The following CLCN5 variants were observed in gnomAD, a reference collection of about 807,000 sequenced individuals.
CLCN5 encodes the protein Cl-/H+ antiporter 5.
A neutral mutation model predicts 54.0 loss-of-function variants in CLCN5; 17 were observed. That is an observed-to-expected ratio of 0.31 (90% confidence interval 0.22 to 0.47). The LOEUF (loss-of-function observed/expected upper bound fraction) is 0.47, where lower values mean the gene tolerates loss of function less well. Among genes scored for constraint, CLCN5 ranks in the 20% least tolerant of loss-of-function variants. The pLI is 1.00. For missense variants in CLCN5, 448 were observed against 646.7 expected (o/e 0.69, Z 3.33); for synonymous variants, 222 against 233.0 (o/e 0.95, Z 0.43).
chrX:50,069,868 G>A lies in CLCN5; in HGVS notation c.164-11G>A, dbSNP rs782343738. On this transcript the variant is annotated splice_polypyrimidine_tract_variant and intron_variant, in intron 4 of 14. Transcript: ENST00000376091. ...TCTGAAGTACTAATGTCTATTTCTTGTTCAATACAGAGGACAAGTCGTACA... is the reference window on the plus strand; with the variant it reads ...TCTGAAGTACTAATGTCTATTTCTTATTCAATACAGAGGACAAGTCGTACA... 8.4e-7 allele frequency: 1 copy of A among 1,196,700 alleles called. No individual in the cohort carries two copies. Among genetic ancestry groups the A allele is most frequent in the South Asian group, 1.8e-5 (1 of 54,395 alleles).
chrX:49,966,705 C>T (rs1281113535), intron 3 of CLCN5, among the ~76,000 whole-genome samples: 1 of 28,089 alleles, frequency 3.6e-5, no homozygotes, highest in Non-Finnish European at 4.9e-5. Flanking sequence ...CATGCTGGTG[C>T]GCTGCACCCA....
intron 3 of CLCN5, among the ~76,000 whole-genome samples, chrX:50,012,297 A>T (rs1416598764): frequency 9.0e-6 from 1 of 111,431 alleles, no homozygotes; most frequent in African/African-American, 3.3e-5. Flanking sequence ...GCATCTTCTC[A>T]CTCATGTCTG....
At chrX:49,943,967 G>A (rs1926540035) in intron 3 of CLCN5, among the ~76,000 whole-genome samples, 1 of 111,637 alleles carries the variant, frequency 9.0e-6, no homozygotes, top group Non-Finnish European at 1.9e-5. Context: ...GATGGGGATG[G>A]CATTGAATCT....
chrX:50,017,534 G>A (rs955086667), intron 3 of CLCN5, among the ~76,000 whole-genome samples: 5 of 111,353 alleles, frequency 4.5e-5, no homozygotes, highest in Non-Finnish European at 5.7e-5. Flanking sequence ...TTTTGGTGTT[G>A]TATCTAAAAG....
intron 3 of CLCN5, among the ~76,000 whole-genome samples, chrX:49,981,997 A>G (rs1392353532): frequency 1.8e-5 from 2 of 110,227 alleles, no homozygotes; most frequent in Non-Finnish European, 3.8e-5. Flanking sequence ...TTTCCCTTTT[A>G]CTGCCATTAT....
At chrX:49,944,538 G>A (rs1345546523) in intron 3 of CLCN5, among the ~76,000 whole-genome samples, 6 of 111,377 alleles carry the variant, frequency 5.4e-5, no homozygotes, top group Admixed American at 3.8e-4. Flanking sequence ...ATTGGCTGTG[G>A]GTTTCTCATA....
rs202189090 is a variant in CLCN5 at position 50,077,580 on chromosome X, TAGGG to T, written c.603+1599_603+1602del. Among the ~76,000 whole-genome samples the T allele has an allele frequency of 3.0e-3, 290 of 95,574 alleles. 10 individuals carry two copies. The East Asian group carries it at 0.083, about 27-fold the overall frequency. The allele number at this position is 95,574 out of a possible 115,157, so 83.0% of individuals were successfully genotyped here. A position where few individuals can be genotyped will look rare whatever the true frequency, so the allele number is the denominator to read the frequency against. On this transcript the variant is annotated intron_variant, in intron 7 of 14. Coordinates refer to ENST00000376091, the MANE Select transcript of CLCN5 (RefSeq NM_001127898.4). ...GAAAAGTTTGAGAAGTCCTACAACTTAGGGTGGGTGTGAAAGAGAGAGAGAGAGA... is the reference window on the plus strand; with the variant it reads ...GAAAAGTTTGAGAAGTCCTACAACTTTGGGTGTGAAAGAGAGAGAGAGAGA...
Position 50,098,252 on chromosome X carries a change from T to G in CLCN5, c.*6033T>G, listed in dbSNP as rs1020124391. On this transcript the variant is annotated 3_prime_UTR_variant, in exon 15 of 15. Coordinates refer to ENST00000376091, the MANE Select transcript of CLCN5 (RefSeq NM_001127898.4). ...CTCTTAAACTCTTTTGAAGCTATGC[T>G]GCTAACCAGGTATAGGCCAGAAAGG... 1 of 113,008 alleles carries G rather than the reference T, an allele frequency of 8.8e-6. No individual in the cohort carries two copies. Among genetic ancestry groups the G allele is most frequent in the African/African-American group, 3.2e-5 (1 of 30,992 alleles). The allele number at this position is 113,008 out of a possible 1,213,427, so 9.3% of individuals were successfully genotyped here.
chrX:50,051,556 T>C (rs1932587741), intron 4 of CLCN5, among the ~76,000 whole-genome samples: 1 of 112,192 alleles, frequency 8.9e-6, no homozygotes, highest in Non-Finnish European at 1.9e-5. Context: ...GCAAAATGAC[T>C]TGCTTGGGTT....
chrX:49,986,257 A>G (rs782707939), intron 3 of CLCN5, among the ~76,000 whole-genome samples: 2 of 111,485 alleles, frequency 1.8e-5, no homozygotes, highest in African/African-American at 6.5e-5. Flanking sequence ...AGCTTTTAAA[A>G]TTGGACCTGG....
At chrX:49,941,599 G>A (rs1371171236) in intron 3 of CLCN5, among the ~76,000 whole-genome samples, 1 of 110,557 alleles carries the variant, frequency 9.0e-6, no homozygotes, top group East Asian at 2.8e-4. Context: ...AACAGCTTCT[G>A]TGATCACCAG....
chrX:50,019,005 G>A (rs1302298209), intron 3 of CLCN5, among the ~76,000 whole-genome samples: 1 of 111,926 alleles, frequency 8.9e-6, no homozygotes, highest in Non-Finnish European at 1.9e-5. Flanking sequence ...AGAGATTATA[G>A]AAAACTGGTA....
intron 2 of CLCN5, among the ~76,000 whole-genome samples, chrX:49,924,130 C>G (rs1489918672): frequency 9.4e-6 from 1 of 106,734 alleles, no homozygotes. Context: ...ATTTTTTCTC[C>G]CATTCCTAGC....
intron 3 of CLCN5, among the ~76,000 whole-genome samples, chrX:49,962,982 G>A (rs1297728956): frequency 8.9e-6 from 1 of 111,850 alleles, no homozygotes; most frequent in Non-Finnish European, 1.9e-5. Context: ...AAGGGGTACA[G>A]ACTTAATGAG....
intron 3 of CLCN5, among the ~76,000 whole-genome samples, chrX:49,993,888 G>C (rs949261325): frequency 1.8e-5 from 2 of 111,755 alleles, no homozygotes; most frequent in African/African-American, 6.5e-5. Context: ...GGGAGTTAGA[G>C]ATGGAATGTG....
At chrX:49,997,754 C>G (rs782326278) in intron 3 of CLCN5, among the ~76,000 whole-genome samples, 1 of 109,140 alleles carries the variant, frequency 9.2e-6, no homozygotes, top group Non-Finnish European at 1.9e-5. Context: ...ACTCCTGGCT[C>G]AAGTGATCAT....
intron 9 of CLCN5, 80 bp from the exon 10 acceptor site, chrX:50,085,899 TA>T: frequency 1.2e-6 from 1 of 815,355 alleles, no homozygotes; most frequent in Non-Finnish European, 1.9e-6. Context: ...CAGTAACTAC[TA>T]ACATTTCTTC....
chrX:49,946,278 T>C (rs1474339131), intron 3 of CLCN5, among the ~76,000 whole-genome samples: 2 of 112,112 alleles, frequency 1.8e-5, no homozygotes, highest in Non-Finnish European at 3.8e-5. Flanking sequence ...CCATTTATTA[T>C]CTTGCAGTTT....
At chrX:50,045,575 A>G (rs888171203) in intron 4 of CLCN5, among the ~76,000 whole-genome samples, 15 of 112,580 alleles carry the variant, frequency 1.3e-4, no homozygotes, top group Admixed American at 3.8e-4. Flanking sequence ...GTGACTATGT[A>G]TTATTCTCAT....
Sources: gnomAD v4.1 joint callset for allele counts (sites outside exome capture counted in the v4.1 genomes callset) on GRCh38, gnomAD v4.1.1 for gene constraint, MANE v1.5 for transcripts, NCBI Gene and HGNC (gene_info 2026-07-23, HGNC 2026-07-21) for gene names.